CYP7B1: variants seen among roughly 807,000 people sequenced by gnomAD.
CYP7B1 encodes the protein cytochrome P450 family 7 subfamily B member 1.
CYP7B1 carries 29 observed loss-of-function variants against 42.7 expected under a neutral mutation model. The observed-to-expected ratio is 0.68, with a 90% CI of 0.51 to 0.93. CYP7B1 has a LOEUF of 0.93. Ranked by LOEUF, CYP7B1 falls within the 40% of genes least tolerant of loss-of-function variation. The pLI, the probability that CYP7B1 is intolerant of heterozygous loss-of-function variation, is 0.00. For missense variants in CYP7B1, 655 were observed against 600.5 expected (o/e 1.09, Z -0.95); for synonymous variants, 235 against 218.2 (o/e 1.08, Z -0.68).
chr8:64,670,526 A>T (rs906270062), intron 1 of CYP7B1, among the ~76,000 whole-genome samples: 6 of 152,166 alleles, frequency 3.9e-5, no homozygotes, highest in Admixed American at 1.3e-4. Context: ...AGCTTAAATG[A>T]GTCACCTTCC....
chr8:64,592,567 T>C lies in CYP7B1; in HGVS notation c.*4075A>G, dbSNP rs1317670290. On this transcript the variant is annotated 3_prime_UTR_variant, in exon 6 of 6. Coordinates refer to ENST00000310193, the MANE Select transcript of CYP7B1 (RefSeq NM_004820.5). ...AACAGAGAAAATGCTCAATGAATGTTTGGTTGAATAAATGAACAATGAATT... is the reference window on the plus strand; with the variant it reads ...AACAGAGAAAATGCTCAATGAATGTCTGGTTGAATAAATGAACAATGAATT... 6.6e-6 allele frequency among the ~76,000 whole-genome samples: 1 copy of C among 152,224 alleles called. No individual in the cohort carries two copies. The highest frequency in any genetic ancestry group is 1.5e-5 in the Non-Finnish European group (1 of 68,042).
intron 1 of CYP7B1, among the ~76,000 whole-genome samples, chr8:64,707,408 G>A (rs1164331341): frequency 6.6e-6 from 1 of 152,066 alleles, no homozygotes; most frequent in Non-Finnish European, 1.5e-5. Flanking sequence ...TATCTAGGGG[G>A]TTTTATTTGG....
chr8:64,687,851 C>T (rs765460232), intron 1 of CYP7B1, among the ~76,000 whole-genome samples: 4 of 152,126 alleles, frequency 2.6e-5, no homozygotes, highest in Non-Finnish European at 5.9e-5. Flanking sequence ...ATAAAAGCCT[C>T]GCTCGTTACT....
intron 1 of CYP7B1, among the ~76,000 whole-genome samples, chr8:64,666,880 G>A (rs1563382912): frequency 6.6e-6 from 1 of 152,166 alleles, no homozygotes; most frequent in Admixed American, 6.6e-5. Context: ...TATTTAACCT[G>A]AGAGTTTCAT....
intron 2 of CYP7B1, among the ~76,000 whole-genome samples, chr8:64,622,306 C>T (rs930831810): frequency 2.6e-5 from 4 of 152,190 alleles, no homozygotes; most frequent in Admixed American, 2.6e-4. Context: ...AAATTACTGG[C>T]TCTCTAAGAA....
At chr8:64,685,788 C>T (rs1283107595) in intron 1 of CYP7B1, among the ~76,000 whole-genome samples, 2 of 56,156 alleles carry the variant, frequency 3.6e-5, no homozygotes, top group African/African-American at 5.3e-5. Context: ...GGGGGTCAGC[C>T]CCCCCGCCCG....
chr8:64,682,534 C>T (rs1806554663), intron 1 of CYP7B1, among the ~76,000 whole-genome samples: 1 of 152,214 alleles, frequency 6.6e-6, no homozygotes, highest in African/African-American at 2.4e-5. Flanking sequence ...TCCTTGGTGA[C>T]CTTTCTTCAA....
At chr8:64,605,167 A>T (rs1805261568) in intron 4 of CYP7B1, among the ~76,000 whole-genome samples, 1 of 152,230 alleles carries the variant, frequency 6.6e-6, no homozygotes, top group African/African-American at 2.4e-5. Flanking sequence ...TGTTATGGGT[A>T]TATATGCTTG....
rs1490333714 is a variant in CYP7B1 at position 64,593,888 on chromosome 8, C to A, written c.*2754G>T. On this transcript the variant is annotated 3_prime_UTR_variant, in exon 6 of 6. Transcript: ENST00000310193. ...AAAAATAAGCAGCATATATGAAGAACAAAAGGGAATCGTAAAACTGAAAAA... is the reference window on the plus strand; with the variant it reads ...AAAAATAAGCAGCATATATGAAGAAAAAAAGGGAATCGTAAAACTGAAAAA... 1.3e-5 allele frequency among the ~76,000 whole-genome samples: 2 copies of A among 151,940 alleles called. No individual in the cohort carries two copies. Among genetic ancestry groups the A allele is most frequent in the Non-Finnish European group, 2.9e-5 (2 of 67,992 alleles).
chr8:64,700,979 T>G (rs549303726), intron 1 of CYP7B1, among the ~76,000 whole-genome samples: 1 of 152,030 alleles, frequency 6.6e-6, no homozygotes, highest in East Asian at 1.9e-4. Context: ...TTTAATGATA[T>G]CAAATCTTTT....
intron 1 of CYP7B1, among the ~76,000 whole-genome samples, chr8:64,724,526 T>C (rs1807293320): frequency 6.6e-6 from 1 of 152,202 alleles, no homozygotes; most frequent in Non-Finnish European, 1.5e-5. Flanking sequence ...ACAATGAGCC[T>C]GTAATAGTTA....
At position 64,674,392 on chromosome 8, in the gene CYP7B1, T is replaced by A. The variant is rs143447683; in HGVS notation, c.123-49853A>T. On this transcript the variant is annotated intron_variant, in intron 1 of 5. Transcript: ENST00000310193. ...TTTACTGTAGAGGGGGATTTCCTTGTCTGTCAATGCCACCATACCCTTGAC... is the reference window on the plus strand; with the variant it reads ...TTTACTGTAGAGGGGGATTTCCTTGACTGTCAATGCCACCATACCCTTGAC... Among the ~76,000 whole-genome samples, 858 of 152,250 alleles carry A rather than the reference T, an allele frequency of 5.6e-3. 5 individuals are homozygous for A. Among genetic ancestry groups the A allele is most frequent in the Middle Eastern group, 0.014 (4 of 294 alleles).
At chr8:64,750,588 T>C (rs1164046765) in intron 1 of CYP7B1, among the ~76,000 whole-genome samples, 1 of 152,218 alleles carries the variant, frequency 6.6e-6, no homozygotes, top group Non-Finnish European at 1.5e-5. Context: ...GTAGATATTG[T>C]GCTTTGAACA....
chr8:64,787,724 A>T (rs1019732086), intron 1 of CYP7B1, among the ~76,000 whole-genome samples: 5 of 151,876 alleles, frequency 3.3e-5, no homozygotes, highest in Non-Finnish European at 7.4e-5. Flanking sequence ...GCAGTGCCCC[A>T]CTCCCTTGGA....
intron 1 of CYP7B1, among the ~76,000 whole-genome samples, chr8:64,702,419 G>A (rs1346606467): frequency 6.6e-6 from 1 of 152,078 alleles, no homozygotes; most frequent in East Asian, 1.9e-4. Context: ...ATTCATTACT[G>A]AAAACCTACT....
At chr8:64,677,716 T>G (rs1806471584) in intron 1 of CYP7B1, among the ~76,000 whole-genome samples, 3 of 148,598 alleles carry the variant, frequency 2.0e-5, no homozygotes, top group African/African-American at 7.4e-5. Context: ...GTTTTTTTTT[T>G]TTTTTTTTTT....
intron 1 of CYP7B1, among the ~76,000 whole-genome samples, chr8:64,727,703 G>A (rs10808739): frequency 0.23 from 35,455 of 151,952 alleles, 4,641 homozygotes; most frequent in African/African-American, 0.34. Context: ...AAAGCCCAAC[G>A]AGAACAATCT....
chr8:64,716,969 T>A (rs1026888114), intron 1 of CYP7B1, among the ~76,000 whole-genome samples: 7 of 152,326 alleles, frequency 4.6e-5, no homozygotes, highest in South Asian at 2.1e-4. Context: ...CTTTTGCCAG[T>A]TGTTGCTTCA....
intron 1 of CYP7B1, among the ~76,000 whole-genome samples, chr8:64,668,098 A>G (rs992937281): frequency 6.6e-6 from 1 of 152,192 alleles, no homozygotes; most frequent in Non-Finnish European, 1.5e-5. Flanking sequence ...CTTCCTATCA[A>G]CAGCAGTGTT....
Sources: allele counts gnomAD v4.1 joint callset (sites outside exome capture counted in the v4.1 genomes callset), GRCh38; gene constraint gnomAD v4.1.1; transcripts MANE v1.5; gene names NCBI Gene and HGNC (gene_info 2026-07-23, HGNC 2026-07-21).